Variants in FAF1 observed in about 807,000 individuals in gnomAD.
FAF1 encodes the protein Fas associated factor 1.
FAF1 carries 25 observed loss-of-function variants against 92.5 expected under a neutral mutation model. That is an observed-to-expected ratio of 0.27 (90% CI 0.20 to 0.38). FAF1 has a LOEUF of 0.38. Ranked by LOEUF, FAF1 falls within the 10% of genes least tolerant of loss-of-function variation. The pLI is 1.00. For missense variants in FAF1, 636 were observed against 793.3 expected, an observed-to-expected ratio of 0.80 and a Z score of 2.38; for synonymous variants, 234 against 273.2, an observed-to-expected ratio of 0.86 and a Z score of 1.42.
intron 7 of FAF1, among the ~76,000 whole-genome samples, chr1:50,668,456 G>A (rs1180942951): frequency 6.6e-6 from 1 of 152,178 alleles, no homozygotes; most frequent in Non-Finnish European, 1.5e-5. Flanking sequence ...GAGATTTGTA[G>A]GCAGGAGGGC....
rs12083072 is a variant in FAF1, at chr1:50,559,946, C to G, written c.1268+7131G>C. 1.0e-2 allele frequency among the ~76,000 whole-genome samples: 1,518 copies of G among 152,312 alleles called. 24 individuals carry two copies. The highest frequency in any genetic ancestry group is 0.035 in the African/African-American group (1,438 of 41,558). On this transcript the variant is annotated intron_variant, in intron 13 of 18. Coordinates refer to ENST00000396153, the MANE Select transcript of FAF1 (RefSeq NM_007051.3). ...AGTTTGGAGAAAATTATATGGAAAT[C>G]TGGCACGAAGGCTCTCCTGAAGTCT...
intron 18 of FAF1, among the ~76,000 whole-genome samples, chr1:50,468,468 T>G (rs1444283252): frequency 6.7e-6 from 1 of 149,768 alleles, no homozygotes; most frequent in Non-Finnish European, 1.5e-5. Context: ...AATTTTTTTT[T>G]TTTTTTTTTG....
At chr1:50,552,458 T>C (rs1400260865) in intron 13 of FAF1, among the ~76,000 whole-genome samples, 1 of 152,098 alleles carries the variant, frequency 6.6e-6, no homozygotes, top group East Asian at 1.9e-4. Context: ...TCTTATAACA[T>C]CAACAAATAA....
chr1:50,722,666 C>T (rs1303606642), intron 6 of FAF1, among the ~76,000 whole-genome samples: 1 of 136,324 alleles, frequency 7.3e-6, no homozygotes, highest in Non-Finnish European at 1.6e-5. Flanking sequence ...AAAAAAAAAG[C>T]CCTATAAAAT....
chr1:50,851,209 T>A (rs1224905073), intron 2 of FAF1, among the ~76,000 whole-genome samples: 1 of 151,868 alleles, frequency 6.6e-6, no homozygotes, highest in Non-Finnish European at 1.5e-5. Flanking sequence ...GCCTCCTGAG[T>A]AGCTGGGACC....
chr1:50,723,868 C>G (rs544591014), intron 6 of FAF1, among the ~76,000 whole-genome samples: 7 of 152,236 alleles, frequency 4.6e-5, no homozygotes, highest in Non-Finnish European at 4.4e-5. Flanking sequence ...CCTGACTCAG[C>G]CTCCTGAGTA....
chr1:50,737,503 T>A (rs1386197130), intron 6 of FAF1, among the ~76,000 whole-genome samples: 1 of 152,228 alleles, frequency 6.6e-6, no homozygotes. Context: ...TATAACTATT[T>A]AACTTAATTT....
chr1:50,672,431 A>G (rs1655938509), intron 7 of FAF1, among the ~76,000 whole-genome samples: 1 of 151,770 alleles, frequency 6.6e-6, no homozygotes, highest in South Asian at 2.1e-4. Context: ...ACAGGGTATC[A>G]CCCAGCTAAT....
At position 50,959,884 on chromosome 1, in the gene FAF1, T is replaced by G; in HGVS notation, c.-73A>C. ...AGGCAGACGGCACCTCCTGCGACCG[T>G]CGCCGCCACCGCCGCCGCCGCCGCC... On this transcript the variant is annotated 5_prime_UTR_variant, in exon 1 of 19. Transcript: ENST00000396153. The G allele has an allele frequency of 9.1e-7, 1 of 1,103,578 alleles. No individual in the cohort carries two copies. The highest frequency in any genetic ancestry group is 1.2e-6 in the Non-Finnish European group (1 of 853,878). 68.4% of individuals were successfully genotyped at this position (1,103,578 alleles called of 1,614,324 possible). A position where few individuals can be genotyped will look rare whatever the true frequency, so the allele number is the denominator to read the frequency against.
intron 1 of FAF1, among the ~76,000 whole-genome samples, chr1:50,887,636 TC>T (rs748243165): frequency 1.3e-5 from 2 of 152,240 alleles, no homozygotes; most frequent in Non-Finnish European, 2.9e-5. Context: ...AAACAGGGAA[TC>T]CTTTCCCCAT....
chr1:50,620,789 A>C (rs1037837741), intron 8 of FAF1, among the ~76,000 whole-genome samples: 2 of 152,244 alleles, frequency 1.3e-5, no homozygotes, highest in African/African-American at 4.8e-5. Context: ...AGCTAGGCAA[A>C]TATCCAGCCA....
At chr1:50,699,786 A>C (rs1234895487) in intron 7 of FAF1, among the ~76,000 whole-genome samples, 2 of 152,176 alleles carry the variant, frequency 1.3e-5, no homozygotes, top group Admixed American at 6.6e-5. Flanking sequence ...CTTCAAAGTC[A>C]ATGTACAAAA....
At chr1:50,629,244 A>G (rs1217213714) in intron 8 of FAF1, among the ~76,000 whole-genome samples, 1 of 141,124 alleles carries the variant, frequency 7.1e-6, no homozygotes, top group East Asian at 2.1e-4. Flanking sequence ...ATCTCGGCTC[A>G]CTGCAACCTC....
At chr1:50,828,252 G>T (rs563727494) in intron 2 of FAF1, among the ~76,000 whole-genome samples, 1 of 150,958 alleles carries the variant, frequency 6.6e-6, no homozygotes, top group Non-Finnish European at 1.5e-5. Context: ...GGAAAAAAGG[G>T]TCTTTTCTTT....
chr1:50,831,805 CA>C (rs1157102526), intron 2 of FAF1, among the ~76,000 whole-genome samples: 6,595 of 81,666 alleles, frequency 0.081, 131 homozygotes, highest in Non-Finnish European at 0.088. Flanking sequence ...TTATCAGAGA[CA>C]AAAAAAAAAA....
At chr1:50,527,433 T>C (rs544087674) in intron 15 of FAF1, among the ~76,000 whole-genome samples, 1 of 152,344 alleles carries the variant, frequency 6.6e-6, no homozygotes, top group South Asian at 2.1e-4. Context: ...TGTCTCCCAA[T>C]CTGTGGGTTG....
Position 50,655,485 on chromosome 1 carries a change from T to A in FAF1, c.701A>T (p.His234Leu). 1 of 1,613,832 alleles carries A rather than the reference T, an allele frequency of 6.2e-7. No homozygotes were observed. The highest frequency in any genetic ancestry group is 8.5e-7 in the Non-Finnish European group (1 of 1,179,676). Residue 234 changes from histidine to leucine, a missense_variant, in exon 8 of 19, where the codon CAC (histidine) becomes CTC (leucine). Coordinates refer to ENST00000396153, the MANE Select transcript of FAF1 (RefSeq NM_007051.3). ...VYDLTSIPVR[H>L]QLWEGWPTSA... ...AGTTGGCCAGCCCTCCCATAATTGGTGGCGAACGGGGATACTTGTAAGGTC... is the reference window on the plus strand; with the variant it reads ...AGTTGGCCAGCCCTCCCATAATTGGAGGCGAACGGGGATACTTGTAAGGTC...
chr1:50,950,239 C>T (rs779576410), intron 1 of FAF1, among the ~76,000 whole-genome samples: 1 of 152,182 alleles, frequency 6.6e-6, no homozygotes, highest in Non-Finnish European at 1.5e-5. Context: ...AACAAAAAGA[C>T]AACAGCTACA....
chr1:50,668,951 AG>A (rs1392826510), intron 7 of FAF1, among the ~76,000 whole-genome samples: 3 of 152,176 alleles, frequency 2.0e-5, no homozygotes, highest in African/African-American at 7.2e-5. Context: ...GCTATTCCTT[AG>A]CTCATCCCTG....
Sources: gnomAD v4.1 joint callset for allele counts (sites outside exome capture counted in the v4.1 genomes callset) on GRCh38, gnomAD v4.1.1 for gene constraint, MANE v1.5 for transcripts, NCBI Gene and HGNC (gene_info 2026-07-23, HGNC 2026-07-21) for gene names.